The following TGFA variants were observed in gnomAD, a reference collection of about 807,000 sequenced individuals.
TGFA encodes transforming growth factor alpha.
A neutral mutation model predicts 21.7 loss-of-function variants in TGFA; 12 were observed. That is an observed-to-expected ratio of 0.55 (90% CI 0.35 to 0.90). TGFA has a LOEUF of 0.90. Ranked by LOEUF, TGFA falls within the 40% of genes least tolerant of loss-of-function variation. The pLI is 0.01. For missense variants in TGFA, 178 were observed against 210.8 expected (o/e 0.84, Z 0.96); for synonymous variants, 79 against 88.1 (o/e 0.90, Z 0.58).
At chr2:70,512,752 C>A (rs1672140719) in intron 2 of TGFA, among the ~76,000 whole-genome samples, 1 of 152,176 alleles carries the variant, frequency 6.6e-6, no homozygotes, top group African/African-American at 2.4e-5. Context: ...AGGGCGACAT[C>A]CCTTAGGGTT....
intron 1 of TGFA, among the ~76,000 whole-genome samples, chr2:70,529,654 T>C (rs1393367861): frequency 1.3e-5 from 2 of 149,718 alleles, no homozygotes; most frequent in Admixed American, 1.3e-4. Flanking sequence ...CACCGGGAAA[T>C]GAGGCTGGAG....
chr2:70,452,239 G>A (rs1553489749), intron 5 of TGFA, among the ~76,000 whole-genome samples: 3 of 152,028 alleles, frequency 2.0e-5, no homozygotes, highest in South Asian at 2.1e-4. Context: ...AGAACTTTAC[G>A]ATGGGCTCTC....
At position 70,449,044 on chromosome 2, in the gene TGFA, AT is replaced by A. The variant is rs1196222588; in HGVS notation, c.*1814del. ...GCCCAAGGGATGTAAACTTGAACTT[AT>A]TTTAGTAATTTAAAAACCTGGAGCT... On this transcript the variant is annotated 3_prime_UTR_variant, in exon 6 of 6. Coordinates refer to ENST00000295400, the MANE Select transcript of TGFA (RefSeq NM_003236.4). 6.6e-6 allele frequency: 1 copy of A among 152,202 alleles called. No homozygotes were observed. The highest frequency in any genetic ancestry group is 6.5e-5 in the Admixed American group (1 of 15,284). The allele number at this position is 152,202 out of a possible 1,614,324, so 9.4% of individuals were successfully genotyped here.
At chr2:70,455,977 G>A (rs1035081598) in intron 4 of TGFA, among the ~76,000 whole-genome samples, 18 of 152,198 alleles carry the variant, frequency 1.2e-4, no homozygotes, top group African/African-American at 4.3e-4. Flanking sequence ...AAGTACTTCT[G>A]GTGCTGATGG....
At chr2:70,513,392 T>C (rs1422116245) in intron 2 of TGFA, among the ~76,000 whole-genome samples, 1 of 152,142 alleles carries the variant, frequency 6.6e-6, no homozygotes, top group East Asian at 1.9e-4. Context: ...TCTGAGTCCT[T>C]TGTGGATGGG....
intron 2 of TGFA, among the ~76,000 whole-genome samples, chr2:70,469,885 CTA>C (rs1553492925): frequency 1.3e-5 from 2 of 152,190 alleles, no homozygotes; most frequent in African/African-American, 4.8e-5. Flanking sequence ...GAACACTTCT[CTA>C]AAACTGATTG....
At position 70,447,750 on chromosome 2, in the gene TGFA, A is replaced by T. The variant is rs1669924929; in HGVS notation, c.*3109T>A. On this transcript the variant is annotated 3_prime_UTR_variant, in exon 6 of 6. Transcript: ENST00000295400. ...ATTTAAAAATATACATGTTTGTCTT[A>T]CTTCTGCAATGTGTTCTTGGTTTTG... 6.6e-6 allele frequency: 1 copy of T among 152,186 alleles called. No individual in the cohort carries two copies. Among genetic ancestry groups the T allele is most frequent in the Admixed American group, 6.5e-5 (1 of 15,278 alleles). 9.4% of individuals were successfully genotyped at this position (152,186 alleles called of 1,614,324 possible).
chr2:70,524,655 G>T (rs1444943409), intron 1 of TGFA, among the ~76,000 whole-genome samples: 1 of 152,256 alleles, frequency 6.6e-6, no homozygotes, highest in African/African-American at 2.4e-5. Flanking sequence ...AGGCCTTGAG[G>T]TGTCTCTGGA....
At chr2:70,484,820 C>T (rs1389887451) in intron 2 of TGFA, among the ~76,000 whole-genome samples, 1 of 152,154 alleles carries the variant, frequency 6.6e-6, no homozygotes, top group East Asian at 1.9e-4. Context: ...TCTGTGTGCT[C>T]CCAACAGCCT....
chr2:70,477,127 A>G (rs1456917493), intron 2 of TGFA, among the ~76,000 whole-genome samples: 1 of 152,262 alleles, frequency 6.6e-6, no homozygotes, highest in African/African-American at 2.4e-5. Flanking sequence ...ATTCACAGAC[A>G]GAATTGTAGT....
At chr2:70,471,118 ACC>A (rs1559106053) in intron 2 of TGFA, among the ~76,000 whole-genome samples, 6 of 112,968 alleles carry the variant, frequency 5.3e-5, no homozygotes, top group Admixed American at 4.2e-4. Flanking sequence ...CACCCCCCCC[ACC>A]ATATAACCAA....
chr2:70,516,851 G>A (rs992243489), intron 1 of TGFA, among the ~76,000 whole-genome samples: 6 of 149,466 alleles, frequency 4.0e-5, no homozygotes, highest in Non-Finnish European at 7.4e-5. Context: ...GAGGGGAAGC[G>A]TGACTTGCCT....
chr2:70,517,805 C>T (rs925302984), intron 1 of TGFA, among the ~76,000 whole-genome samples: 7 of 152,240 alleles, frequency 4.6e-5, no homozygotes, highest in South Asian at 2.1e-4. Flanking sequence ...GCAGGCCCAG[C>T]GGCTGAGCCT....
intron 4 of TGFA, among the ~76,000 whole-genome samples, chr2:70,455,036 G>A (rs1227511832): frequency 6.6e-6 from 1 of 152,132 alleles, no homozygotes; most frequent in Non-Finnish European, 1.5e-5. Context: ...CCTGCTCCTC[G>A]AGGAGGGCCC....
chr2:70,465,542 G>A, intron 3 of TGFA, 74 bp downstream of exon 3: 1 of 1,585,162 alleles, frequency 6.3e-7, no homozygotes, highest in Non-Finnish European at 8.6e-7. Flanking sequence ...AAGTCTTATG[G>A]AGGTAAATGC....
intron 4 of TGFA, among the ~76,000 whole-genome samples, chr2:70,454,044 T>C (rs1228564585): frequency 7.9e-5 from 12 of 151,186 alleles, no homozygotes; most frequent in Admixed American, 7.2e-4. Flanking sequence ...AAGAAAGCAC[T>C]GAGTGAGAGA....
intron 4 of TGFA, among the ~76,000 whole-genome samples, chr2:70,454,543 T>C (rs536130691): frequency 9.7e-4 from 147 of 152,266 alleles, no homozygotes; most frequent in African/African-American, 3.5e-3. Context: ...TTTCTCACAG[T>C]CAGCCAGCCA....
intron 2 of TGFA, among the ~76,000 whole-genome samples, chr2:70,503,166 A>T (rs1671788656): frequency 6.6e-6 from 1 of 152,198 alleles, no homozygotes; most frequent in Non-Finnish European, 1.5e-5. Flanking sequence ...AAAGACTTGG[A>T]ACCAACCCAA....
chr2:70,532,968 T>C (rs1672858531), intron 1 of TGFA, among the ~76,000 whole-genome samples: 1 of 151,510 alleles, frequency 6.6e-6, no homozygotes, highest in Admixed American at 6.6e-5. Flanking sequence ...CTCAGGTGAC[T>C]CTCTCACCTC....
Sources: gnomAD v4.1 joint callset for allele counts (sites outside exome capture counted in the v4.1 genomes callset) on GRCh38, gnomAD v4.1.1 for gene constraint, MANE v1.5 for transcripts, NCBI Gene and HGNC (gene_info 2026-07-23, HGNC 2026-07-21) for gene names.